SP3: variants seen among roughly 807,000 people sequenced by gnomAD.
SP3 encodes the protein transcription factor Sp3.
SP3 carries 10 observed loss-of-function variants against 70.3 expected under a neutral mutation model. The ratio of observed to expected loss-of-function variants is 0.14; its 90% CI spans 0.09 to 0.24. The LOEUF (loss-of-function observed/expected upper bound fraction) is 0.24, where lower values mean the gene tolerates loss of function less well. Ranked by LOEUF, SP3 falls within the 10% of genes least tolerant of loss-of-function variation. SP3 has a pLI of 1.00. For synonymous variants in SP3, 402 were observed against 333.5 expected, an observed-to-expected ratio of 1.21 and a Z score of -2.24; for missense variants, 825 against 914.6, an observed-to-expected ratio of 0.90 and a Z score of 1.26.
chr2:173,954,595 A>G (rs1051959385), intron 4 of SP3, among the ~76,000 whole-genome samples: 2 of 152,222 alleles, frequency 1.3e-5, no homozygotes, highest in African/African-American at 4.8e-5. Flanking sequence ...ATGCCTGACA[A>G]TATCAATCAG....
At chr2:173,943,451 C>G (rs1034195852) in intron 4 of SP3, among the ~76,000 whole-genome samples, 1 of 152,140 alleles carries the variant, frequency 6.6e-6, no homozygotes, top group Non-Finnish European at 1.5e-5. Context: ...TTTAAAATAA[C>G]CACCATACTC....
intron 4 of SP3, among the ~76,000 whole-genome samples, chr2:173,924,186 A>G (rs925807195): frequency 1.2e-4 from 18 of 152,092 alleles, no homozygotes; most frequent in African/African-American, 4.1e-4. Flanking sequence ...TTGGATCATT[A>G]CTCTTCTATA....
rs931104886 is a variant in SP3, at chr2:173,956,295, T to G, written c.280-63A>C. 2.0e-6 allele frequency: 3 copies of G among 1,497,226 alleles called. No individual in the cohort carries two copies. The African/African-American group carries it at 4.2e-5, about 21-fold the overall frequency. The allele number at this position is 1,497,226 out of a possible 1,614,324, so 92.7% of individuals were successfully genotyped here. On this transcript the variant is annotated intron_variant, in intron 3 of 6. Transcript: ENST00000310015. The stretch of plus-strand genomic sequence containing the variant: ...ATATTTAAATCAACCCTCAAAAAAT[T>G]CTAAAAACTGGTATAAATCCTACTA...
At chr2:173,923,833 C>T (rs952607102) in intron 4 of SP3, among the ~76,000 whole-genome samples, 1 of 151,824 alleles carries the variant, frequency 6.6e-6, no homozygotes, top group Admixed American at 6.6e-5. Context: ...ATCAGCTTCA[C>T]CTGCCATAAA....
intron 3 of SP3, among the ~76,000 whole-genome samples, chr2:173,961,794 G>A (rs1691088682): frequency 6.6e-6 from 1 of 152,060 alleles, no homozygotes; most frequent in Non-Finnish European, 1.5e-5. Context: ...GATGTCTTAA[G>A]TTCATATTTG....
rs1350867620 is a variant in SP3 at position 173,909,901 on chromosome 2, G to T, written c.*40C>A. On this transcript the variant is annotated 3_prime_UTR_variant, in exon 7 of 7. Coordinates refer to ENST00000310015, the MANE Select transcript of SP3 (RefSeq NM_003111.5). ...TAGGAACAATATTCTTCTCACTACT[G>T]TATAAAAATAACCACAATGAATAAG... is the stretch of plus-strand genomic sequence containing the variant. 6.3e-7 allele frequency: 1 copy of T among 1,580,244 alleles called. No homozygotes were observed. The highest frequency in any genetic ancestry group is 8.7e-7 in the Non-Finnish European group (1 of 1,153,018).
intron 4 of SP3, among the ~76,000 whole-genome samples, chr2:173,947,945 G>GT (rs1368093442): frequency 6.6e-6 from 1 of 152,142 alleles, no homozygotes; most frequent in Non-Finnish European, 1.5e-5. Flanking sequence ...TGTGGTGGTC[G>GT]TAAGACTGTG....
chr2:173,922,936 G>A (rs1415600562), intron 4 of SP3, among the ~76,000 whole-genome samples: 2 of 152,116 alleles, frequency 1.3e-5, no homozygotes, highest in Admixed American at 1.3e-4. Flanking sequence ...TAGCCCACAA[G>A]GGTAGATTTG....
chr2:173,963,922 G>C, intron 2 of SP3, 39 bp from the exon 3 acceptor site: 1 of 1,393,772 alleles, frequency 7.2e-7, no homozygotes, highest in Non-Finnish European at 9.5e-7. Flanking sequence ...GAGACAGGGG[G>C]AGGGGGTGGC....
chr2:173,910,634 A>G lies in SP3; in HGVS notation c.2030-377T>C, dbSNP rs562237896. Among the ~76,000 whole-genome samples, 7 of 152,358 alleles carry G rather than the reference A, an allele frequency of 4.6e-5. No homozygotes were observed. The South Asian group carries it at 1.0e-3, about 23-fold the overall frequency. On this transcript the variant is annotated intron_variant, in intron 6 of 6. Transcript: ENST00000310015. ...AAATAAAAGTATATTCTTTCACGCTATAATTAAAATACTAACATGCCATGT... is the reference window on the plus strand; with the variant it reads ...AAATAAAAGTATATTCTTTCACGCTGTAATTAAAATACTAACATGCCATGT...
chr2:173,939,734 C>G (rs920156316), intron 4 of SP3, among the ~76,000 whole-genome samples: 14 of 98,030 alleles, frequency 1.4e-4, no homozygotes, highest in Admixed American at 1.2e-3. Context: ...CACTGCACTC[C>G]AGCCTGAGCA....
At chr2:173,919,818 C>G (rs1689699341) in intron 4 of SP3, among the ~76,000 whole-genome samples, 1 of 152,022 alleles carries the variant, frequency 6.6e-6, no homozygotes, top group Non-Finnish European at 1.5e-5. Flanking sequence ...AAAAGTGAAC[C>G]TATATATACC....
intron 3 of SP3, among the ~76,000 whole-genome samples, chr2:173,960,849 G>A (rs553655655): frequency 1.5e-4 from 23 of 152,068 alleles, no homozygotes; most frequent in Non-Finnish European, 2.8e-4. Context: ...GGTGGCACAC[G>A]CCTGTCGTCC....
At chr2:173,954,697 T>C (rs1482393666) in intron 4 of SP3, among the ~76,000 whole-genome samples, 176 bp downstream of exon 4, 1 of 152,152 alleles carries the variant, frequency 6.6e-6, no homozygotes, top group Non-Finnish European at 1.5e-5. Context: ...CTACAAACTT[T>C]CAAAGAATAA....
chr2:173,954,850 G>C, intron 4 of SP3, 23 bp downstream of exon 4: 2 of 1,596,826 alleles, frequency 1.3e-6, no homozygotes, highest in Non-Finnish European at 1.7e-6. Flanking sequence ...CTTATTTATG[G>C]CATGACATAA....
At position 173,910,389 on chromosome 2, in the gene SP3, C is replaced by A. The variant is rs372285310; in HGVS notation, c.2030-132G>T. The A allele has an allele frequency of 2.7e-4, 177 of 659,162 alleles. No homozygotes were observed. The African/African-American group carries it at 2.7e-3, about 10-fold the overall frequency. The allele number at this position is 659,162 out of a possible 1,614,324, so 40.8% of individuals were successfully genotyped here. ...AGCAGGGGTCTATTAAAATTGTATT[C>A]ATTTTACGAGCTACCCCTGCCAGAT... is the stretch of plus-strand genomic sequence containing the variant. On this transcript the variant is annotated intron_variant, in intron 6 of 6. Coordinates refer to ENST00000310015, the MANE Select transcript of SP3 (RefSeq NM_003111.5).
rs1157212146 is a variant in SP3 at position 173,921,957 on chromosome 2, C to T, written c.1640-3172G>A. On this transcript the variant is annotated intron_variant, in intron 4 of 6. Transcript: ENST00000310015. The stretch of plus-strand genomic sequence containing the variant: ...CTTCTACCATGTGACGTGCCCATTC[C>T]CCATTTGCCTTCTGCCATGAGTAAA... 2.6e-5 allele frequency among the ~76,000 whole-genome samples: 4 copies of T among 152,164 alleles called. No individual in the cohort carries two copies. The South Asian group carries it at 6.2e-4, about 24-fold the overall frequency.
At chr2:173,935,844 T>C (rs1690193839) in intron 4 of SP3, among the ~76,000 whole-genome samples, 2 of 151,810 alleles carry the variant, frequency 1.3e-5, no homozygotes, top group Non-Finnish European at 2.9e-5. Context: ...GCCAATGATA[T>C]AACTTTAAAA....
intron 5 of SP3, among the ~76,000 whole-genome samples, chr2:173,917,539 T>C (rs1021446478): frequency 6.6e-6 from 1 of 152,068 alleles, no homozygotes; most frequent in Non-Finnish European, 1.5e-5. Flanking sequence ...GCAATTATTA[T>C]TACTGGAAAG....
Sources: gnomAD v4.1 joint callset for allele counts (sites outside exome capture counted in the v4.1 genomes callset) on GRCh38, gnomAD v4.1.1 for gene constraint, MANE v1.5 for transcripts, NCBI Gene and HGNC (gene_info 2026-07-23, HGNC 2026-07-21) for gene names.